Variants in ADAM12 observed in about 807,000 individuals in gnomAD.
ADAM12 encodes disintegrin and metalloproteinase domain-containing protein 12.
Under a neutral mutation model 106.4 loss-of-function variants are expected in ADAM12, and 70 were observed. That is an observed-to-expected ratio of 0.66 (90% CI 0.54 to 0.80). ADAM12 has a LOEUF of 0.80. ADAM12 is among the 30% of genes least tolerant of loss of function. The probability of loss-of-function intolerance (pLI) is 0.00; values close to 1 mark genes in which losing one functional copy is unlikely to be tolerated. For synonymous variants in ADAM12, 420 were observed against 433.5 expected, an observed-to-expected ratio of 0.97 and a Z score of 0.39; for missense variants, 1,010 against 1,171.9, an observed-to-expected ratio of 0.86 and a Z score of 2.02.
chr10:126,074,521 T>A (rs979430602), intron 11 of ADAM12, among the ~76,000 whole-genome samples: 1 of 152,158 alleles, frequency 6.6e-6, no homozygotes, highest in African/African-American at 2.4e-5. Context: ...ACAGAACAGA[T>A]CATCATTGGC....
intron 3 of ADAM12, among the ~76,000 whole-genome samples, chr10:126,272,104 A>G (rs1171882233): frequency 6.6e-6 from 1 of 152,240 alleles, no homozygotes; most frequent in East Asian, 1.9e-4. Context: ...CCTCCTGAGC[A>G]CTGAGCAATG....
chr10:126,231,493 C>T (rs181830046), intron 3 of ADAM12, among the ~76,000 whole-genome samples: 2 of 152,236 alleles, frequency 1.3e-5, no homozygotes, highest in African/African-American at 2.4e-5. Context: ...ATTCTAGCTA[C>T]TGCGCCATCT....
intron 6 of ADAM12, among the ~76,000 whole-genome samples, chr10:126,111,756 C>T (rs890165311): frequency 1.3e-5 from 2 of 152,152 alleles, no homozygotes; most frequent in Admixed American, 6.5e-5. Flanking sequence ...CAGAGAACTG[C>T]AAGCTCAGAG....
At chr10:126,050,654 A>G (rs955760818) in intron 14 of ADAM12, among the ~76,000 whole-genome samples, 10 of 152,184 alleles carry the variant, frequency 6.6e-5, no homozygotes, top group African/African-American at 2.4e-4. Flanking sequence ...GATTTATTTA[A>G]GATACCTCGT....
chr10:126,204,393 G>A (rs189364851), intron 3 of ADAM12, among the ~76,000 whole-genome samples: 59 of 152,298 alleles, frequency 3.9e-4, no homozygotes, highest in African/African-American at 1.3e-3. Context: ...CAGGATGCAG[G>A]TGCTGTCAGC....
intron 5 of ADAM12, among the ~76,000 whole-genome samples, chr10:126,122,102 A>T (rs1038104181): frequency 6.6e-6 from 1 of 152,220 alleles, no homozygotes; most frequent in African/African-American, 2.4e-5. Context: ...TTAATCCTTC[A>T]GAGAAGAAGG....
At chr10:126,077,558 G>C (rs1245471499) in intron 11 of ADAM12, among the ~76,000 whole-genome samples, 1 of 152,040 alleles carries the variant, frequency 6.6e-6, no homozygotes, top group Non-Finnish European at 1.5e-5. Context: ...ATAGACCAAT[G>C]GAACAGAATA....
At chr10:126,350,374 C>T (rs1855306943) in intron 1 of ADAM12, among the ~76,000 whole-genome samples, 1 of 152,166 alleles carries the variant, frequency 6.6e-6, no homozygotes, top group Non-Finnish European at 1.5e-5. Context: ...AAATACACAC[C>T]CACACACAGA....
chr10:126,238,028 G>A (rs145513001), intron 3 of ADAM12, among the ~76,000 whole-genome samples: 106 of 152,286 alleles, frequency 7.0e-4, no homozygotes, highest in Non-Finnish European at 1.1e-3. Context: ...ACAAAGCAAC[G>A]ACAATTGTTA....
intron 3 of ADAM12, among the ~76,000 whole-genome samples, chr10:126,200,127 G>T (rs1237208576): frequency 1.3e-5 from 2 of 152,078 alleles, no homozygotes; most frequent in African/African-American, 4.8e-5. Flanking sequence ...TCCATGCAGG[G>T]TCTGACCTGG....
chr10:126,369,573 C>T (rs1856039295), intron 1 of ADAM12, among the ~76,000 whole-genome samples: 1 of 152,084 alleles, frequency 6.6e-6, no homozygotes, highest in Non-Finnish European at 1.5e-5. Context: ...CAGGCAAAGG[C>T]AATGAAGACA....
intron 1 of ADAM12, among the ~76,000 whole-genome samples, chr10:126,384,527 T>C (rs1856594327): frequency 6.6e-6 from 1 of 151,794 alleles, no homozygotes. Context: ...AATGTATGCC[T>C]AAAAAGTAAC....
At chr10:126,266,107 C>T (rs1015985263) in intron 3 of ADAM12, among the ~76,000 whole-genome samples, 1 of 152,134 alleles carries the variant, frequency 6.6e-6, no homozygotes, top group Non-Finnish European at 1.5e-5. Flanking sequence ...TAGCAATTAA[C>T]TGTTGCATGC....
At chr10:126,065,441 T>G (rs1201432957) in intron 13 of ADAM12, among the ~76,000 whole-genome samples, 1 of 152,198 alleles carries the variant, frequency 6.6e-6, no homozygotes, top group Admixed American at 6.5e-5. Flanking sequence ...TAAAAATAAC[T>G]TTAAGGTCAC....
At chr10:126,020,585 G>A (rs1158798357) in intron 21 of ADAM12, among the ~76,000 whole-genome samples, 1 of 152,130 alleles carries the variant, frequency 6.6e-6, no homozygotes, top group Non-Finnish European at 1.5e-5. Context: ...ACCTATCTCA[G>A]CATTGTTATG....
intron 14 of ADAM12, among the ~76,000 whole-genome samples, chr10:126,061,662 G>A (rs893651719): frequency 6.6e-6 from 1 of 152,112 alleles, no homozygotes; most frequent in Non-Finnish European, 1.5e-5. Flanking sequence ...AGTCGGAGAG[G>A]GACAGAGACT....
At chr10:126,319,113 T>A (rs1854000555) in intron 2 of ADAM12, among the ~76,000 whole-genome samples, 1 of 152,088 alleles carries the variant, frequency 6.6e-6, no homozygotes, top group African/African-American at 2.4e-5. Context: ...TCAATAACCA[T>A]AAGACCACAT....
chr10:126,314,470 A>T (rs1291470271), intron 2 of ADAM12, among the ~76,000 whole-genome samples: 1 of 152,216 alleles, frequency 6.6e-6, no homozygotes, highest in Non-Finnish European at 1.5e-5. Flanking sequence ...GGGGCCACAC[A>T]TTAAGAAGTT....
intron 4 of ADAM12, among the ~76,000 whole-genome samples, chr10:126,136,092 G>A (rs1261899195): frequency 3.0e-5 from 4 of 132,376 alleles, no homozygotes; most frequent in Admixed American, 3.0e-4. Flanking sequence ...TTATGAAAAC[G>A]GGAAAGCAGA....
Sources: gnomAD v4.1 joint callset for allele counts (sites outside exome capture counted in the v4.1 genomes callset) on GRCh38, gnomAD v4.1.1 for gene constraint, MANE v1.5 for transcripts, NCBI Gene and HGNC (gene_info 2026-07-23, HGNC 2026-07-21) for gene names.